The following HAPLN1 variants were observed in gnomAD, a reference collection of about 807,000 sequenced individuals.
The protein encoded by HAPLN1 is Cartilage link protein.
Under a neutral mutation model 36.5 loss-of-function variants are expected in HAPLN1, and 13 were observed. The ratio of observed to expected loss-of-function variants is 0.36; its 90% CI spans 0.23 to 0.57. HAPLN1 has a LOEUF of 0.57. Among genes scored for constraint, HAPLN1 ranks in the 20% least tolerant of loss-of-function variants. The probability of loss-of-function intolerance (pLI) is 0.83; values close to 1 mark genes in which losing one functional copy is unlikely to be tolerated. For synonymous variants in HAPLN1, 202 were observed against 169.8 expected (o/e 1.19, Z -1.48); for missense variants, 407 against 439.7 (o/e 0.93, Z 0.66).
At chr5:83,697,447 T>C (rs1751414507) in intron 1 of HAPLN1, among the ~76,000 whole-genome samples, 1 of 152,234 alleles carries the variant, frequency 6.6e-6, no homozygotes, top group African/African-American at 2.4e-5. Context: ...CATCAGTTGA[T>C]GGACAATTGA....
chr5:83,704,690 A>G (rs1751587537), intron 1 of HAPLN1, among the ~76,000 whole-genome samples: 1 of 152,222 alleles, frequency 6.6e-6, no homozygotes, highest in Non-Finnish European at 1.5e-5. Context: ...TGTTCAATTC[A>G]CCAAGAAGAT....
At chr5:83,669,480 G>A (rs949711456) in intron 2 of HAPLN1, among the ~76,000 whole-genome samples, 1 of 152,036 alleles carries the variant, frequency 6.6e-6, no homozygotes. Flanking sequence ...GCCTGGGCGA[G>A]AGAGCAAGAC....
chr5:83,683,997 G>A (rs1041898743), intron 1 of HAPLN1, among the ~76,000 whole-genome samples: 1 of 152,112 alleles, frequency 6.6e-6, no homozygotes, highest in African/African-American at 2.4e-5. Context: ...GCGGGGAGGA[G>A]GAGGGGGCAG....
chr5:83,674,730 C>T (rs1343090011), intron 1 of HAPLN1: 1 of 152,194 alleles, frequency 6.6e-6, no homozygotes, highest in Non-Finnish European at 1.5e-5. Flanking sequence ...GCCTGACTCC[C>T]TGGGATACTT....
At chr5:83,647,914 T>G (rs1749920277) in intron 3 of HAPLN1, among the ~76,000 whole-genome samples, 1 of 152,204 alleles carries the variant, frequency 6.6e-6, no homozygotes, top group South Asian at 2.1e-4. Context: ...TATCTGAAAT[T>G]GCGTTTCTAT....
chr5:83,644,215 AC>A (rs1202427788), intron 4 of HAPLN1, 147 bp downstream of exon 4: 1 of 593,338 alleles, frequency 1.7e-6, no homozygotes, highest in Non-Finnish European at 2.5e-6. Context: ...ACACTCAAGA[AC>A]TTTTTATATC....
chr5:83,695,314 T>C lies in HAPLN1; in HGVS notation c.-26-21765A>G, dbSNP rs368971311. Among the ~76,000 whole-genome samples the C allele has an allele frequency of 3.8e-4, 57 of 151,674 alleles. 1 individual carries two copies. In the South Asian group the frequency reaches 0.012, roughly 31 times the overall value. The stretch of plus-strand genomic sequence containing the variant: ...CTAATTTTTGTATTTTTAGTAGAGA[T>C]GGGGTTTCGCCATGTTGGCCAGGCT... On this transcript the variant is annotated intron_variant, in intron 1 of 4. Coordinates refer to ENST00000274341, the MANE Select transcript of HAPLN1 (RefSeq NM_001884.4).
chr5:83,712,828 A>AT lies in HAPLN1; in HGVS notation c.-27+7960dup, dbSNP rs538951104. On this transcript the variant is annotated intron_variant, in intron 1 of 4. Transcript: ENST00000274341. ...ATACTTAAAGTTATTGAATGATTGA[A>AT]TTTTTTTTTTGTATTTTATCAAGCA... 4.5e-3 allele frequency among the ~76,000 whole-genome samples: 662 copies of AT among 145,910 alleles called. 6 individuals carry two copies. The highest frequency in any genetic ancestry group is 0.014 in the African/African-American group (571 of 39,808).
chr5:83,641,555 C>T lies in HAPLN1; in HGVS notation c.1006G>A (p.Gly336Ser), dbSNP rs148624914. 594 of 1,614,026 alleles carry T rather than the reference C, an allele frequency of 3.7e-4. No individual in the cohort carries two copies. Among genetic ancestry groups the T allele is most frequent in the Non-Finnish European group, 3.9e-4 (461 of 1,179,944 alleles). The change falls in exon 5 of 5, where the codon GGT (glycine) becomes AGT (serine). Residue 336 changes from glycine (G) to serine (S), a missense_variant. Physicochemically the swap from Gly to Ser is moderately conservative, Grantham distance 56 (BLOSUM62 0). Coordinates refer to ENST00000274341, the MANE Select transcript of HAPLN1 (RefSeq NM_001884.4). Reference protein sequence around the residue: ...SPTEAAVRFVGFPDKKHKLYG... With the variant: ...SPTEAAVRFVSFPDKKHKLYG... ...AGCTTATGCTTTTTATCTGGGAAAC[C>T]CACGAAGCGCACTGCAGCCTCAGTA...
At chr5:83,649,439 T>C (rs978983227) in intron 3 of HAPLN1, among the ~76,000 whole-genome samples, 6 of 152,044 alleles carry the variant, frequency 3.9e-5, no homozygotes, top group African/African-American at 1.5e-4. Flanking sequence ...AGTATCTGGT[T>C]TTTTTTTGTT....
chr5:83,649,084 T>C (rs1749970361), intron 3 of HAPLN1, among the ~76,000 whole-genome samples: 1 of 152,162 alleles, frequency 6.6e-6, no homozygotes, highest in African/African-American at 2.4e-5. Context: ...CCCATCTGAG[T>C]TTTTCTTGAA....
intron 2 of HAPLN1, among the ~76,000 whole-genome samples, chr5:83,655,511 C>A (rs1467158285): frequency 7.5e-6 from 1 of 132,960 alleles, no homozygotes; most frequent in Non-Finnish European, 1.6e-5. Context: ...TTCTCATTCA[C>A]TTTGGGGTGT....
At chr5:83,675,841 C>T (rs927566108) in intron 1 of HAPLN1, among the ~76,000 whole-genome samples, 2 of 152,108 alleles carry the variant, frequency 1.3e-5, no homozygotes, top group Admixed American at 6.6e-5. Flanking sequence ...CAAATATTTC[C>T]ATTTCTTGGG....
chr5:83,676,567 G>A (rs1490074795), intron 1 of HAPLN1, among the ~76,000 whole-genome samples: 2 of 152,218 alleles, frequency 1.3e-5, no homozygotes, highest in African/African-American at 2.4e-5. Flanking sequence ...ACGGGTCTAA[G>A]TGCTGGTCCC....
intron 1 of HAPLN1, among the ~76,000 whole-genome samples, chr5:83,706,400 T>C (rs548198937): frequency 2.6e-5 from 4 of 152,334 alleles, no homozygotes; most frequent in Admixed American, 2.0e-4. Context: ...GTAGGCTTTA[T>C]ACCCACGATT....
rs1172785409 is a variant in HAPLN1, at chr5:83,652,605, C to T, written c.320G>A (p.Gly107Asp). ...SMGYHKKTYG[G>D]YQGRVFLKGG... ...CTTCAGAAACACTCTACCCTGGTAGCCTCCATAGGTTTTTTTGTGGTATCC... is the reference window on the plus strand; with the variant it reads ...CTTCAGAAACACTCTACCCTGGTAGTCTCCATAGGTTTTTTTGTGGTATCC... Residue 107 changes from glycine to aspartate, a missense_variant, in exon 3 of 5, where the codon GGC becomes GAC. Coordinates refer to ENST00000274341, the MANE Select transcript of HAPLN1 (RefSeq NM_001884.4). 4 of 1,614,060 alleles carry T rather than the reference C, an allele frequency of 2.5e-6. No homozygotes were observed. The highest frequency in any genetic ancestry group is 3.4e-6 in the Non-Finnish European group (4 of 1,180,024).
At position 83,639,670 on chromosome 5, in the gene HAPLN1, C is replaced by A. The variant is rs138862475; in HGVS notation, c.*1826G>T. On this transcript the variant is annotated 3_prime_UTR_variant, in exon 5 of 5. Coordinates refer to ENST00000274341, the MANE Select transcript of HAPLN1 (RefSeq NM_001884.4). ...CTTCCTTAATTTAGAAGTGCAAGTT[C>A]TATTTATACCACCAGTGTTTGAGTT... The A allele has an allele frequency of 1.9e-4, 29 of 152,116 alleles. No individual in the cohort carries two copies. Among genetic ancestry groups the A allele is most frequent in the African/African-American group, 6.7e-4 (28 of 41,550 alleles). 9.4% of individuals were successfully genotyped at this position (152,116 alleles called of 1,614,324 possible). A position where few individuals can be genotyped will look rare whatever the true frequency, so the allele number is the denominator to read the frequency against.
chr5:83,667,009 A>G (rs1188897039), intron 2 of HAPLN1, among the ~76,000 whole-genome samples: 1 of 152,182 alleles, frequency 6.6e-6, no homozygotes, highest in East Asian at 1.9e-4. Flanking sequence ...TACCATGATT[A>G]ATAGCTCTTT....
chr5:83,644,723 A>G lies in HAPLN1; in HGVS notation c.473-58T>C, dbSNP rs1410356835. On this transcript the variant is annotated intron_variant, in intron 3 of 4. Transcript: ENST00000274341. ...AGCCCCAAAACTAACAACTCTGAGCAAATGCCACCTAGTTGGTGAAAAACC... is the reference window on the plus strand; with the variant it reads ...AGCCCCAAAACTAACAACTCTGAGCGAATGCCACCTAGTTGGTGAAAAACC... 3 of 1,304,792 alleles carry G rather than the reference A, an allele frequency of 2.3e-6. No individual in the cohort carries two copies. In the South Asian group the frequency reaches 6.8e-5, roughly 30 times the overall value. The allele number at this position is 1,304,792 out of a possible 1,614,324, so 80.8% of individuals were successfully genotyped here. A position where few individuals can be genotyped will look rare whatever the true frequency, so the allele number is the denominator to read the frequency against.
Sources: gnomAD v4.1 joint callset for allele counts (sites outside exome capture counted in the v4.1 genomes callset) on GRCh38, gnomAD v4.1.1 for gene constraint, MANE v1.5 for transcripts, NCBI Gene and HGNC (gene_info 2026-07-23, HGNC 2026-07-21) for gene names.